MYO1E: variants seen among roughly 807,000 people sequenced by gnomAD.
MYO1E encodes myosin IE.
In MYO1E, 68 loss-of-function variants were observed where a neutral mutation model predicts 151.1. The ratio of observed to expected loss-of-function variants is 0.45; its 90% CI spans 0.37 to 0.55. MYO1E has a LOEUF of 0.55. Among genes scored for constraint, MYO1E ranks in the 20% least tolerant of loss-of-function variants. The pLI is 0.00. For synonymous variants in MYO1E, 601 were observed against 501.7 expected, an observed-to-expected ratio of 1.20 and a Z score of -2.64; for missense variants, 1,363 against 1,389.3, an observed-to-expected ratio of 0.98 and a Z score of 0.30.
At chr15:59,201,541 A>G (rs2079802307) in intron 16 of MYO1E, among the ~76,000 whole-genome samples, 1 of 151,414 alleles carries the variant, frequency 6.6e-6, no homozygotes, top group African/African-American at 2.4e-5. Context: ...AGTAGCTGGG[A>G]TTACACTCAC....
intron 25 of MYO1E, among the ~76,000 whole-genome samples, chr15:59,157,945 T>C (rs938225776): frequency 6.6e-6 from 1 of 152,222 alleles, no homozygotes; most frequent in Non-Finnish European, 1.5e-5. Context: ...TAAACTCCTA[T>C]TTCCATAAAG....
chr15:59,298,083 G>A (rs1436017146), intron 1 of MYO1E, among the ~76,000 whole-genome samples: 1 of 152,116 alleles, frequency 6.6e-6, no homozygotes, highest in African/African-American at 2.4e-5. Context: ...TCATCATTTG[G>A]TTAAGTATTT....
chr15:59,212,456 G>C (rs1175538610), intron 12 of MYO1E, among the ~76,000 whole-genome samples: 1 of 152,118 alleles, frequency 6.6e-6, no homozygotes, highest in Non-Finnish European at 1.5e-5. Flanking sequence ...TTTGATGTGT[G>C]TAATGGCTTG....
chr15:59,355,771 A>G (rs893033181), intron 1 of MYO1E, among the ~76,000 whole-genome samples: 1 of 152,018 alleles, frequency 6.6e-6, no homozygotes. Context: ...GCTGGAGTAC[A>G]GTGGCATGAT....
chr15:59,154,619 G>A (rs1165773756), intron 25 of MYO1E, among the ~76,000 whole-genome samples: 1 of 152,168 alleles, frequency 6.6e-6, no homozygotes, highest in Non-Finnish European at 1.5e-5. Flanking sequence ...ACCAAATTAA[G>A]AGAACTCTTT....
chr15:59,338,112 A>G (rs966056662), intron 1 of MYO1E, among the ~76,000 whole-genome samples: 2 of 152,078 alleles, frequency 1.3e-5, no homozygotes, highest in Admixed American at 1.3e-4. Context: ...AAGTGGCCCT[A>G]TATTGACAAC....
At chr15:59,356,945 G>T (rs2080856899) in intron 1 of MYO1E, among the ~76,000 whole-genome samples, 1 of 147,428 alleles carries the variant, frequency 6.8e-6, no homozygotes, top group Admixed American at 6.8e-5. Context: ...CACTCTTGCT[G>T]CCTAGGCTGG....
At chr15:59,217,354 T>C (rs2079925126) in intron 10 of MYO1E, among the ~76,000 whole-genome samples, 1 of 151,784 alleles carries the variant, frequency 6.6e-6, no homozygotes, top group African/African-American at 2.4e-5. Flanking sequence ...AAATATTTTG[T>C]CCAGAAGAAA....
At chr15:59,326,514 T>A (rs1364011877) in intron 1 of MYO1E, among the ~76,000 whole-genome samples, 2 of 152,170 alleles carry the variant, frequency 1.3e-5, no homozygotes, top group Non-Finnish European at 2.9e-5. Flanking sequence ...AGAGCAAGAC[T>A]CCATCTCAAA....
rs1566967407 is a variant in MYO1E at position 59,161,053 on chromosome 15, A to AG, written c.2785+19dup. 1 of 1,612,526 alleles carries AG rather than the reference A, an allele frequency of 6.2e-7. No homozygotes were observed. The highest frequency in any genetic ancestry group is 1.1e-5 in the South Asian group (1 of 91,018). ...GGGGAGCGGCGGCAGTTCTGCCTGC[A>AG]GGGCCCGTGGAGCACTTACGGGAGT... On this transcript the variant is annotated intron_variant, in intron 24 of 27. Transcript: ENST00000288235.
chr15:59,207,009 C>T, intron 14 of MYO1E: 4 of 1,614,068 alleles, frequency 2.5e-6, no homozygotes, highest in Non-Finnish European at 3.4e-6. Context: ...ATTTCCTATG[C>T]CTGGGGATGG....
intron 25 of MYO1E, among the ~76,000 whole-genome samples, chr15:59,156,590 A>G (rs117738030): frequency 6.6e-6 from 1 of 152,196 alleles, no homozygotes. Flanking sequence ...TGGTCTCCCA[A>G]AGTGTTGGGA....
intron 1 of MYO1E, among the ~76,000 whole-genome samples, chr15:59,324,407 A>C (rs1048218513): frequency 1.3e-5 from 2 of 152,188 alleles, no homozygotes; most frequent in Admixed American, 1.3e-4. Context: ...CTTGTGCTAA[A>C]CCACCCCAAA....
chr15:59,366,164 A>G (rs1208637419), intron 1 of MYO1E, among the ~76,000 whole-genome samples: 1 of 151,876 alleles, frequency 6.6e-6, no homozygotes, highest in Admixed American at 6.6e-5. Context: ...TTTTTAGTAG[A>G]GACGGGGTTT....
intron 22 of MYO1E, among the ~76,000 whole-genome samples, chr15:59,164,789 G>C (rs765148819): frequency 6.6e-6 from 1 of 152,212 alleles, no homozygotes; most frequent in African/African-American, 2.4e-5. Context: ...CTGAGACAGG[G>C]AGCTAGTGAC....
At chr15:59,312,849 C>G (rs945987015) in intron 1 of MYO1E, among the ~76,000 whole-genome samples, 43 of 148,248 alleles carry the variant, frequency 2.9e-4, no homozygotes, top group African/African-American at 1.1e-3. Flanking sequence ...GAAACCCCGA[C>G]TCTACTAAAA....
At chr15:59,210,390 T>C (rs568358032) in intron 13 of MYO1E, 124 bp downstream of exon 13, 29 of 738,250 alleles carry the variant, frequency 3.9e-5, no homozygotes, top group African/African-American at 1.9e-4. Flanking sequence ...ACTAGTACAA[T>C]TGCTCAAATT....
chr15:59,136,601 C>G lies in MYO1E; in HGVS notation c.*779G>C, dbSNP rs2079374414. On this transcript the variant is annotated 3_prime_UTR_variant, in exon 28 of 28. Transcript: ENST00000288235. The stretch of plus-strand genomic sequence containing the variant: ...ACATTCATACATGTTTCTACCATCT[C>G]AAGATTTTTATATATACAGTATATG... 1.2e-5 allele frequency: 5 copies of G among 416,558 alleles called. No homozygotes were observed. Among genetic ancestry groups the G allele is most frequent in the South Asian group, 8.5e-5 (5 of 58,984 alleles). 25.8% of individuals were successfully genotyped at this position (416,558 alleles called of 1,614,324 possible).
intron 1 of MYO1E, among the ~76,000 whole-genome samples, chr15:59,306,666 C>T (rs1024402625): frequency 3.9e-5 from 6 of 152,228 alleles, no homozygotes; most frequent in African/African-American, 1.4e-4. Flanking sequence ...TCTCAAAGGA[C>T]TTTGCTCATT....
Sources: allele counts gnomAD v4.1 joint callset (sites outside exome capture counted in the v4.1 genomes callset), GRCh38; gene constraint gnomAD v4.1.1; transcripts MANE v1.5; gene names NCBI Gene and HGNC (gene_info 2026-07-23, HGNC 2026-07-21).